CASP10: variants seen among roughly 807,000 people sequenced by gnomAD.
CASP10 encodes caspase 10, also known as caspase-10.
In CASP10, 41 loss-of-function variants were observed where a neutral mutation model predicts 48.5. That is an observed-to-expected ratio of 0.85 (90% CI 0.66 to 1.10). The LOEUF is 1.10. Among genes scored for constraint, CASP10 ranks in the 50% least tolerant of loss-of-function variants. CASP10 has a pLI of 0.00. For synonymous variants in CASP10, 232 were observed against 238.4 expected, an observed-to-expected ratio of 0.97 and a Z score of 0.25; for missense variants, 614 against 614.5, an observed-to-expected ratio of 1.00 and a Z score of 0.01.
chr2:201,200,123 C>T (rs993073583), intron 5 of CASP10, among the ~76,000 whole-genome samples: 3 of 152,136 alleles, frequency 2.0e-5, no homozygotes, highest in Non-Finnish European at 4.4e-5. Context: ...CATCTGCCCC[C>T]CTATTCGTGA....
At chr2:201,200,027 T>C (rs532394524) in intron 5 of CASP10, among the ~76,000 whole-genome samples, 3 of 152,324 alleles carry the variant, frequency 2.0e-5, no homozygotes, top group Admixed American at 1.3e-4. Flanking sequence ...TTCCTCATAA[T>C]TAGATTCAAG....
rs771822194 is a variant in CASP10 at position 201,205,937 on chromosome 2, A to G, written c.777A>G (p.Ala259=). 2 of 1,613,492 alleles carry G rather than the reference A, an allele frequency of 1.2e-6. No individual in the cohort carries two copies. Among genetic ancestry groups the G allele is most frequent in the Non-Finnish European group, 1.7e-6 (2 of 1,179,420 alleles). The part of the protein sequence containing the change: ...PSLVSRGMQG[A]SANTLNSETS... Reference sequence around the variant, plus strand: ...TGGTCTCCAGGGGGATGCAAGGAGCATCTGCTAACACTCTAAACTCTGAAA... The same window carrying G: ...TGGTCTCCAGGGGGATGCAAGGAGCGTCTGCTAACACTCTAAACTCTGAAA... Residue 259 remains alanine, a synonymous_variant, in exon 7 of 10, where the codon GCA becomes GCG. Transcript: ENST00000286186.
At chr2:201,206,572 T>C (rs886100552) in intron 7 of CASP10, among the ~76,000 whole-genome samples, 10 of 147,558 alleles carry the variant, frequency 6.8e-5, no homozygotes, top group South Asian at 2.1e-4. Context: ...AAGTATACTT[T>C]ATATATATAT....
rs762087406 is a variant in CASP10 at position 201,209,201 on chromosome 2, G to A, written c.1054G>A (p.Val352Met). The A allele has an allele frequency of 1.3e-5, 21 of 1,613,316 alleles. No homozygotes were observed. Among genetic ancestry groups the A allele is most frequent in the Non-Finnish European group, 1.5e-5 (18 of 1,179,474 alleles). ...AGCCCATGCCGACGGGGACTGCTTC[G>A]TGTTCTGTATTCTGACCCATGGGAG... ...NPAHADGDCF[V>M]FCILTHGRFG... is the part of the protein sequence containing the mutation. The change falls in exon 9 of 10, where the codon GTG (valine) becomes ATG (methionine). Residue 352 changes from valine to methionine, a missense_variant. Transcript: ENST00000286186.
intron 9 of CASP10, chr2:201,212,275 C>A (rs943829494): frequency 2.0e-5 from 3 of 152,106 alleles, no homozygotes; most frequent in African/African-American, 4.8e-5. Context: ...TTTGCATTTC[C>A]GTGATGATTA....
At chr2:201,194,718 A>T (rs550901171) in intron 4 of CASP10, among the ~76,000 whole-genome samples, 1 of 152,344 alleles carries the variant, frequency 6.6e-6, no homozygotes, top group East Asian at 1.9e-4. Context: ...AAGAAGACAC[A>T]CTAGTTTCTA....
rs761830275 is a variant in CASP10, at chr2:201,209,451, A to T, written c.1304A>T (p.Asp435Val). The change falls in exon 9 of 10, where the codon GAC becomes GTC. Residue 435 changes from aspartate (D) to valine (V), a missense_variant. Transcript: ENST00000286186. ...CAGGACAGTATTCCTGCCGAGGCTG[A>T]CTTCCTACTTGGTCTGGCCACTGTC... is the stretch of plus-strand genomic sequence containing the variant. ...SLQDSIPAEA[D>V]FLLGLATVPG... The T allele has an allele frequency of 1.2e-6, 2 of 1,614,010 alleles. No individual in the cohort carries two copies. The highest frequency in any genetic ancestry group is 1.7e-6 in the Non-Finnish European group (2 of 1,179,904).
intron 9 of CASP10, chr2:201,214,390 A>G (rs1426704615): frequency 6.6e-6 from 1 of 152,144 alleles, no homozygotes; most frequent in African/African-American, 2.4e-5. Context: ...GGTTTTTTCC[A>G]TAGGGGTGAT....
At chr2:201,221,982 G>T (rs1945730878), downstream of CASP10, among the ~76,000 whole-genome samples, 1 of 152,102 alleles carries the variant, frequency 6.6e-6, no homozygotes, top group South Asian at 2.1e-4. Flanking sequence ...CCAAGATTTC[G>T]TGAAACATTA....
chr2:201,213,584 A>G (rs1013927269), intron 9 of CASP10: 1 of 152,182 alleles, frequency 6.6e-6, no homozygotes, highest in Non-Finnish European at 1.5e-5. Context: ...GATTTGCTGT[A>G]AGTCATCAAA....
intron 5 of CASP10, among the ~76,000 whole-genome samples, chr2:201,198,032 T>C (rs919586895): frequency 6.6e-6 from 1 of 152,220 alleles, no homozygotes; most frequent in African/African-American, 2.4e-5. Flanking sequence ...TCTTTCATTT[T>C]TGATAGTAGG....
Position 201,219,821 on chromosome 2 carries a change from A to T in CASP10, c.*2080A>T, listed in dbSNP as rs1945677279. 2 of 984,800 alleles carry T rather than the reference A, an allele frequency of 2.0e-6. No individual in the cohort carries two copies. The highest frequency in any genetic ancestry group is 1.2e-4 in the Admixed American group (2 of 16,206). The allele number at this position is 984,800 out of a possible 1,614,324, so 61.0% of individuals were successfully genotyped here. On this transcript the variant is annotated 3_prime_UTR_variant, in exon 10 of 10. Transcript: ENST00000286186. ...AGGGAGATCCAAAGTCCTGTGGTTA[A>T]CGCCTTCATTTATAGATGAGGCAGC... is the stretch of plus-strand genomic sequence containing the variant.
chr2:201,211,251 A>T (rs1361994006), intron 9 of CASP10, among the ~76,000 whole-genome samples: 2 of 152,218 alleles, frequency 1.3e-5, no homozygotes, highest in African/African-American at 2.4e-5. Context: ...AGCTAGGATT[A>T]TATGCTCAAA....
At chr2:201,192,015 A>G (rs1364779352) in intron 3 of CASP10, among the ~76,000 whole-genome samples, 1 of 152,092 alleles carries the variant, frequency 6.6e-6, no homozygotes, top group Non-Finnish European at 1.5e-5. Flanking sequence ...ACATCTAATA[A>G]ACTTTTAGAA....
At chr2:201,217,461 A>G in intron 9 of CASP10, 127 bp from the exon 10 acceptor site, 1 of 670,582 alleles carries the variant, frequency 1.5e-6, no homozygotes, top group Non-Finnish European at 2.8e-6. Context: ...CGGGAGGCTG[A>G]GGCATGAGAA....
chr2:201,187,277 C>G (rs546055376), intron 2 of CASP10, among the ~76,000 whole-genome samples: 111 of 152,138 alleles, frequency 7.3e-4, no homozygotes, highest in East Asian at 1.7e-3. Context: ...GATTATATCT[C>G]GAAGCTGGGG....
chr2:201,199,569 CTTTTTTTTTT>C (rs761866954), intron 5 of CASP10, among the ~76,000 whole-genome samples: 12 of 122,546 alleles, frequency 9.8e-5, no homozygotes, highest in African/African-American at 3.0e-4. Flanking sequence ...CTCCTTTAAT[CTTTTTTTTTT>C]TTTTTTTTTT....
intron 7 of CASP10, 170 bp downstream of exon 7, chr2:201,206,143 C>G: frequency 1.8e-6 from 1 of 552,630 alleles, no homozygotes; most frequent in East Asian, 3.2e-5. Context: ...GTAATTATCT[C>G]TGTTCTTCCC....
downstream of CASP10, among the ~76,000 whole-genome samples, chr2:201,224,204 C>T (rs1367023242): frequency 6.6e-6 from 1 of 152,110 alleles, no homozygotes; most frequent in African/African-American, 2.4e-5. Flanking sequence ...ATCTCCTGAC[C>T]TCGTGATCCG....
Sources: gnomAD v4.1 joint callset for allele counts (sites outside exome capture counted in the v4.1 genomes callset) on GRCh38, gnomAD v4.1.1 for gene constraint, MANE v1.5 for transcripts, NCBI Gene and HGNC (gene_info 2026-07-23, HGNC 2026-07-21) for gene names.